RORB: variants seen among roughly 807,000 people sequenced by gnomAD.
RORB encodes the protein nuclear receptor ROR-beta.
Under a neutral mutation model 59.1 loss-of-function variants are expected in RORB, and 6 were observed. The ratio of observed to expected loss-of-function variants is 0.10; its 90% CI spans 0.06 to 0.20. RORB has a LOEUF of 0.20. Ranked by LOEUF, RORB falls within the 10% of genes least tolerant of loss-of-function variation. The pLI, the probability that RORB is intolerant of heterozygous loss-of-function variation, is 1.00. For synonymous variants in RORB, 215 were observed against 204.5 expected, an observed-to-expected ratio of 1.05 and a Z score of -0.44; for missense variants, 320 against 560.5, an observed-to-expected ratio of 0.57 and a Z score of 4.33.
rs983060502 is a variant in RORB, at chr9:74,665,713, C to T, written c.1000+118C>T. The T allele has an allele frequency of 8.5e-5, 56 of 659,202 alleles. 1 individual carries two copies. Among genetic ancestry groups the T allele is most frequent in the Non-Finnish European group, 1.2e-4 (44 of 367,912 alleles). 40.8% of individuals were successfully genotyped at this position (659,202 alleles called of 1,614,324 possible). On this transcript the variant is annotated intron_variant, in intron 7 of 9. Transcript: ENST00000376896. The stretch of plus-strand genomic sequence containing the variant: ...TGATGTGAACCAGTATCTCATTATT[C>T]GATAAGCGATGGACCAGGTGAGCTT...
chr9:74,590,318 A>G (rs1208029340), intron 1 of RORB, among the ~76,000 whole-genome samples: 1 of 152,196 alleles, frequency 6.6e-6, no homozygotes, highest in African/African-American at 2.4e-5. Flanking sequence ...TTGGTGACAG[A>G]CTGATTGCTT....
intron 1 of RORB, among the ~76,000 whole-genome samples, chr9:74,600,651 A>C (rs761317559): frequency 5.9e-5 from 9 of 152,174 alleles, no homozygotes; most frequent in Non-Finnish European, 1.2e-4. Flanking sequence ...ACTGAGATAG[A>C]CTCAGATATC....
chr9:74,659,033 G>T (rs1824135892), intron 4 of RORB, among the ~76,000 whole-genome samples: 1 of 152,126 alleles, frequency 6.6e-6, no homozygotes, highest in Non-Finnish European at 1.5e-5. Context: ...GCAGAATTAA[G>T]TATCTCCACT....
At chr9:74,670,527 A>C (rs1207923903) in intron 8 of RORB, among the ~76,000 whole-genome samples, 1 of 152,200 alleles carries the variant, frequency 6.6e-6, no homozygotes, top group Non-Finnish European at 1.5e-5. Flanking sequence ...TCATCATTAA[A>C]TTCTGAGAAG....
rs775903731 is a variant in RORB, at chr9:74,642,804, T to C, written c.626T>C (p.Met209Thr). ...NNGQLAPGIT[M>T]TEIDRIAQNI... Reference sequence around the variant, plus strand: ...GGGCAGTTAGCACCAGGGATAACCATGACTGAAATCGGTAAGTGGAAGTCT... The same window carrying C: ...GGGCAGTTAGCACCAGGGATAACCACGACTGAAATCGGTAAGTGGAAGTCT... The change falls in exon 4 of 10, where the codon ATG (methionine) becomes ACG (threonine). Residue 209 changes from methionine (M) to threonine (T), a missense_variant. Met to Thr is a moderately conservative substitution (Grantham distance 81). Around this residue, in one of 4 missense-constraint regions of RORB, gnomAD observed 134 missense variants for 156.2 expected, o/e 0.86. Transcript: ENST00000376896. 1.3e-6 allele frequency: 2 copies of C among 1,589,172 alleles called. No individual in the cohort carries two copies. The highest frequency in any genetic ancestry group is 2.3e-5 in the South Asian group (2 of 88,604).
At chr9:74,679,179 C>G (rs914229433) in intron 9 of RORB, among the ~76,000 whole-genome samples, 2 of 151,982 alleles carry the variant, frequency 1.3e-5, no homozygotes, top group Middle Eastern at 3.2e-3. Context: ...TCTGACTAAT[C>G]AGCACTTGAG....
chr9:74,527,803 C>T (rs2118088421), intron 1 of RORB, among the ~76,000 whole-genome samples: 1 of 152,108 alleles, frequency 6.6e-6, no homozygotes, highest in South Asian at 2.1e-4. Context: ...CGAGCCCAGG[C>T]TTTGACTAAG....
chr9:74,623,532 C>G (rs1823458826), intron 1 of RORB, among the ~76,000 whole-genome samples: 1 of 151,864 alleles, frequency 6.6e-6, no homozygotes, highest in Non-Finnish European at 1.5e-5. Flanking sequence ...GCAGAGACCA[C>G]TTTTCCAGAA....
chr9:74,675,036 G>GA (rs144554581), intron 9 of RORB, among the ~76,000 whole-genome samples: 23 of 151,512 alleles, frequency 1.5e-4, no homozygotes, highest in Non-Finnish European at 2.7e-4. Flanking sequence ...GTTGTTGACA[G>GA]AAAAAAAAAT....
chr9:74,637,008 A>G (rs952130492), intron 3 of RORB, among the ~76,000 whole-genome samples: 2 of 152,156 alleles, frequency 1.3e-5, no homozygotes, highest in African/African-American at 4.8e-5. Flanking sequence ...AAAGCCCTGA[A>G]ATTATGGTTG....
At chr9:74,653,245 T>C (rs1824024490) in intron 4 of RORB, among the ~76,000 whole-genome samples, 1 of 152,242 alleles carries the variant, frequency 6.6e-6, no homozygotes, top group African/African-American at 2.4e-5. Context: ...AAACCTAATG[T>C]AGGCACTTAA....
At chr9:74,520,913 T>C (rs1826077355) in intron 1 of RORB, among the ~76,000 whole-genome samples, 1 of 152,036 alleles carries the variant, frequency 6.6e-6, no homozygotes, top group South Asian at 2.1e-4. Context: ...ATGGTAAAAT[T>C]CTGTGATTTA....
At chr9:74,563,882 G>T (rs1454878081) in intron 1 of RORB, among the ~76,000 whole-genome samples, 2 of 152,174 alleles carry the variant, frequency 1.3e-5, no homozygotes. Context: ...CCTTCCAATG[G>T]TGACTATAAC....
intron 1 of RORB, among the ~76,000 whole-genome samples, chr9:74,592,831 A>T (rs967303314): frequency 8.6e-5 from 13 of 151,496 alleles, no homozygotes; most frequent in Admixed American, 2.0e-4. Context: ...TCTCTCTCTC[A>T]CTCTCACACA....
chr9:74,501,250 T>C (rs2118011966), intron 1 of RORB, among the ~76,000 whole-genome samples: 1 of 152,330 alleles, frequency 6.6e-6, no homozygotes, highest in Admixed American at 6.5e-5. Context: ...TGGGTTTGGC[T>C]TTTTTAAAGT....
At chr9:74,501,480 TA>T (rs944760615) in intron 1 of RORB, among the ~76,000 whole-genome samples, 4 of 151,950 alleles carry the variant, frequency 2.6e-5, no homozygotes, top group Non-Finnish European at 4.4e-5. Flanking sequence ...CTCCCGCAAT[TA>T]AAAAAAACAT....
intron 1 of RORB, among the ~76,000 whole-genome samples, chr9:74,541,279 C>CAGAAAAAAAAAA (rs1826402860): frequency 2.3e-5 from 1 of 43,614 alleles, no homozygotes; most frequent in Non-Finnish European, 3.5e-5. Context: ...GACTCCATCT[C>CAGAAAAAAAAAA]AAAAAAAAAA....
At chr9:74,515,969 G>A (rs1178840985) in intron 1 of RORB, among the ~76,000 whole-genome samples, 1 of 151,990 alleles carries the variant, frequency 6.6e-6, no homozygotes, top group African/African-American at 2.4e-5. Context: ...CACCGCAAAT[G>A]AAAGAAACAA....
chr9:74,642,383 G>C, intron 3 of RORB, 31 bp from the exon 4 acceptor site: 2 of 1,576,990 alleles, frequency 1.3e-6, no homozygotes, highest in South Asian at 2.4e-5. Flanking sequence ...ATAACCACAA[G>C]TGCTGTTTTC....
Sources: gnomAD v4.1 joint callset for allele counts (sites outside exome capture counted in the v4.1 genomes callset) on GRCh38, gnomAD v4.1.1 for gene constraint, gnomAD v4.1.1 regional missense constraint, MANE v1.5 for transcripts, NCBI Gene and HGNC (gene_info 2026-07-23, HGNC 2026-07-21) for gene names.